The following SEMA6D variants were observed in gnomAD, a reference collection of about 807,000 sequenced individuals.
The protein encoded by SEMA6D is semaphorin 6D.
In SEMA6D, 35 loss-of-function variants were observed where a neutral mutation model predicts 106.6. The ratio of observed to expected loss-of-function variants is 0.33; its 90% CI spans 0.25 to 0.44. The LOEUF (loss-of-function observed/expected upper bound fraction) is 0.44. Among genes scored for constraint, SEMA6D ranks in the 20% least tolerant of loss-of-function variants. SEMA6D has a pLI of 1.00. For missense variants in SEMA6D, 1,185 were observed against 1,345.9 expected (o/e 0.88, Z 1.87); for synonymous variants, 499 against 487.7 (o/e 1.02, Z -0.31).
At chr15:47,454,617 A>G (rs2042292395) in intron 2 of SEMA6D, among the ~76,000 whole-genome samples, 1 of 151,682 alleles carries the variant, frequency 6.6e-6, no homozygotes, top group African/African-American at 2.4e-5. Flanking sequence ...ACACACACAC[A>G]CACACACACA....
chr15:47,299,927 G>A (rs2035953960), intron 1 of SEMA6D, among the ~76,000 whole-genome samples: 1 of 3,002 alleles, frequency 3.3e-4, no homozygotes, highest in Non-Finnish European at 4.7e-3. Flanking sequence ...ATGTCCATTA[G>A]TTATCTTAAG....
chr15:47,481,376 T>C (rs1041309873), intron 3 of SEMA6D, among the ~76,000 whole-genome samples: 14 of 152,128 alleles, frequency 9.2e-5, no homozygotes, highest in African/African-American at 3.1e-4. Context: ...GAAAAGTATC[T>C]TTGGTAGATT....
intron 1 of SEMA6D, among the ~76,000 whole-genome samples, chr15:47,319,162 T>G (rs1312941572): frequency 1.3e-5 from 2 of 152,210 alleles, no homozygotes. Flanking sequence ...TTTGGTTCTT[T>G]CTTAAGATTT....
chr15:47,444,014 A>G (rs866931535), intron 2 of SEMA6D, among the ~76,000 whole-genome samples: 39 of 152,288 alleles, frequency 2.6e-4, no homozygotes, highest in Middle Eastern at 6.8e-3. Flanking sequence ...TGTGGTCAGA[A>G]TCCTAACCAG....
At chr15:47,289,437 G>T (rs1397067032) in intron 1 of SEMA6D, among the ~76,000 whole-genome samples, 1 of 147,942 alleles carries the variant, frequency 6.8e-6, no homozygotes, top group Non-Finnish European at 1.5e-5. Flanking sequence ...GCTAAATTCA[G>T]TTCAGCATAT....
chr15:47,692,900 T>A (rs2078620078), intron 4 of SEMA6D, among the ~76,000 whole-genome samples: 1 of 151,510 alleles, frequency 6.6e-6, no homozygotes, highest in Admixed American at 6.6e-5. Flanking sequence ...TCTATTAATA[T>A]GATTAGGAAA....
intron 3 of SEMA6D, among the ~76,000 whole-genome samples, chr15:47,536,529 G>C (rs1372148458): frequency 6.6e-6 from 1 of 152,180 alleles, no homozygotes; most frequent in Non-Finnish European, 1.5e-5. Context: ...TTGAGTCTTA[G>C]AAGGGTCTAG....
intron 3 of SEMA6D, among the ~76,000 whole-genome samples, chr15:47,499,007 AATAACTGTATAAAGT>A (rs1174286363): frequency 6.6e-6 from 1 of 152,222 alleles, no homozygotes; most frequent in Non-Finnish European, 1.5e-5. Context: ...ACCAGCAATT[AATAACTGTATAAAGT>A]ATTGTTGTTG....
intron 1 of SEMA6D, among the ~76,000 whole-genome samples, chr15:47,742,176 AGGGTGAT>A (rs1240105456): frequency 6.6e-6 from 1 of 152,264 alleles, no homozygotes; most frequent in Non-Finnish European, 1.5e-5. Context: ...TCAGTACACC[AGGGTGAT>A]GCAAACTGCA....
intron 3 of SEMA6D, among the ~76,000 whole-genome samples, chr15:47,574,582 C>T (rs2142958565): frequency 6.6e-6 from 1 of 152,264 alleles, no homozygotes; most frequent in African/African-American, 2.4e-5. Flanking sequence ...GCTGAGAAAT[C>T]CCATTCATGA....
chr15:47,482,876 C>T (rs2043192247), intron 3 of SEMA6D, among the ~76,000 whole-genome samples: 1 of 152,044 alleles, frequency 6.6e-6, no homozygotes, highest in East Asian at 1.9e-4. Flanking sequence ...AGGTTGATAA[C>T]TATTATTTCA....
At chr15:47,673,078 A>G (rs2078169523) in intron 4 of SEMA6D, among the ~76,000 whole-genome samples, 1 of 152,072 alleles carries the variant, frequency 6.6e-6, no homozygotes, top group Non-Finnish European at 1.5e-5. Flanking sequence ...TGAATGACAT[A>G]TGCCCCTAGC....
chr15:47,681,417 G>C (rs1009023268), intron 4 of SEMA6D, among the ~76,000 whole-genome samples: 6 of 152,294 alleles, frequency 3.9e-5, no homozygotes, highest in African/African-American at 1.4e-4. Flanking sequence ...GAAGCAGAAA[G>C]TAGAATGGTG....
At chr15:47,344,826 T>A (rs1258293992) in intron 1 of SEMA6D, among the ~76,000 whole-genome samples, 3 of 152,154 alleles carry the variant, frequency 2.0e-5, no homozygotes, top group Non-Finnish European at 2.9e-5. Flanking sequence ...TGGAAAAAGC[T>A]CCTTGAATGA....
chr15:47,345,347 G>T (rs1288201109), intron 1 of SEMA6D, among the ~76,000 whole-genome samples: 3 of 152,144 alleles, frequency 2.0e-5, no homozygotes, highest in Non-Finnish European at 4.4e-5. Flanking sequence ...CAAAACTGTG[G>T]TATTGGAGTA....
intron 1 of SEMA6D, among the ~76,000 whole-genome samples, chr15:47,202,241 A>C (rs1445272277): frequency 6.6e-6 from 1 of 152,016 alleles, no homozygotes; most frequent in Admixed American, 6.6e-5. Context: ...GCGTCTCTAA[A>C]ATAATAATTG....
intron 1 of SEMA6D, among the ~76,000 whole-genome samples, chr15:47,218,472 A>G (rs2030877175): frequency 6.6e-6 from 1 of 152,142 alleles, no homozygotes; most frequent in African/African-American, 2.4e-5. Flanking sequence ...TGACTCACAC[A>G]TTAAGTTTTG....
At chr15:47,189,286 C>T (rs1334559218) in intron 1 of SEMA6D, among the ~76,000 whole-genome samples, 1 of 152,144 alleles carries the variant, frequency 6.6e-6, no homozygotes. Context: ...TCCCACCAGG[C>T]TGGCAGCTTT....
At chr15:47,723,903 T>TG (rs2079569862) in intron 1 of SEMA6D, among the ~76,000 whole-genome samples, 1 of 152,220 alleles carries the variant, frequency 6.6e-6, no homozygotes, top group Non-Finnish European at 1.5e-5. Flanking sequence ...TATTGGAGTC[T>TG]GTACTTAAAA....
Sources: allele counts gnomAD v4.1 joint callset (sites outside exome capture counted in the v4.1 genomes callset), GRCh38; gene constraint gnomAD v4.1.1; transcripts MANE v1.5; gene names NCBI Gene and HGNC (gene_info 2026-07-23, HGNC 2026-07-21).